DYM: variants seen among roughly 807,000 people sequenced by gnomAD.
DYM encodes dymeclin.
A neutral mutation model predicts 93.1 loss-of-function variants in DYM; 78 were observed. That is an observed-to-expected ratio of 0.84 (90% CI 0.70 to 1.01). The LOEUF (loss-of-function observed/expected upper bound fraction) is 1.01. Ranked by LOEUF, DYM falls within the 50% of genes least tolerant of loss-of-function variation. The pLI, the probability that DYM is intolerant of heterozygous loss-of-function variation, is 0.00. For missense variants in DYM, 789 were observed against 845.0 expected (o/e 0.93, Z 0.82); for synonymous variants, 321 against 319.7 (o/e 1.00, Z -0.04).
At chr18:49,130,139 A>T (rs964005947) in intron 15 of DYM, among the ~76,000 whole-genome samples, 12 of 152,186 alleles carry the variant, frequency 7.9e-5, no homozygotes, top group African/African-American at 2.7e-4. Flanking sequence ...ACTCTCCAGG[A>T]TTGAGGCTGG....
chr18:49,189,708 A>G (rs1358011204), intron 14 of DYM, among the ~76,000 whole-genome samples: 1 of 152,208 alleles, frequency 6.6e-6, no homozygotes, highest in Non-Finnish European at 1.5e-5. Context: ...TTATTACTGT[A>G]TATAGAGTCA....
intron 2 of DYM, among the ~76,000 whole-genome samples, chr18:49,410,641 C>T (rs1352955900): frequency 2.0e-5 from 3 of 147,442 alleles, no homozygotes; most frequent in Non-Finnish European, 4.5e-5. Context: ...GAGACCTTTT[C>T]TCTACCAAAA....
At chr18:49,336,362 A>G (rs1314416808) in intron 6 of DYM, among the ~76,000 whole-genome samples, 1 of 152,192 alleles carries the variant, frequency 6.6e-6, no homozygotes, top group Admixed American at 6.5e-5. Flanking sequence ...GAAGTGAGAG[A>G]ACAAAAAAAG....
chr18:49,399,399 A>G (rs979687027), intron 2 of DYM, among the ~76,000 whole-genome samples: 10 of 152,206 alleles, frequency 6.6e-5, no homozygotes, highest in Admixed American at 1.3e-4. Flanking sequence ...ATGGCAAACT[A>G]CAAAGCTGGA....
intron 5 of DYM, among the ~76,000 whole-genome samples, chr18:49,371,937 C>T (rs191827855): frequency 6.6e-6 from 1 of 152,124 alleles, no homozygotes; most frequent in Admixed American, 6.5e-5. Context: ...GACTGCTTCA[C>T]TGAAAATGCC....
At chr18:49,322,701 A>T (rs1432669559) in intron 8 of DYM, among the ~76,000 whole-genome samples, 2 of 152,110 alleles carry the variant, frequency 1.3e-5, no homozygotes, top group Non-Finnish European at 2.9e-5. Flanking sequence ...TAAAAATCTG[A>T]ATAAACTTGG....
chr18:49,260,107 T>C (rs561482915), intron 11 of DYM, among the ~76,000 whole-genome samples: 10 of 152,268 alleles, frequency 6.6e-5, no homozygotes, highest in South Asian at 4.1e-4. Context: ...TCGCTTAAGA[T>C]TATAAAAGTA....
intron 14 of DYM, among the ~76,000 whole-genome samples, chr18:49,170,497 T>A (rs1341897616): frequency 6.6e-6 from 1 of 152,010 alleles, no homozygotes; most frequent in Non-Finnish European, 1.5e-5. Flanking sequence ...AAGAACTGTA[T>A]GAGGTCGGGT....
intron 17 of DYM, among the ~76,000 whole-genome samples, chr18:49,092,034 C>G (rs1047428256): frequency 2.0e-5 from 3 of 152,184 alleles, no homozygotes; most frequent in African/African-American, 7.2e-5. Flanking sequence ...CGGAGCCCAT[C>G]ACATTTAATG....
At chr18:49,227,493 G>A (rs73443819) in intron 13 of DYM, among the ~76,000 whole-genome samples, 5 of 152,224 alleles carry the variant, frequency 3.3e-5, no homozygotes, top group African/African-American at 1.2e-4. Flanking sequence ...ATGCCATTAA[G>A]TCATTATCAG....
intron 1 of DYM, among the ~76,000 whole-genome samples, chr18:49,440,997 A>T (rs1173390559): frequency 3.1e-4 from 1 of 3,242 alleles, no homozygotes; most frequent in African/African-American, 9.3e-4. Flanking sequence ...AATATATAAT[A>T]TATTTATATA....
At position 49,396,412 on chromosome 18, in the gene DYM, C is replaced by T. The variant is rs542434210; in HGVS notation, c.141-4767G>A. ...ATTTCTGATTTCAGATTTTTTTTTCCGATTTTGAAATATTTGCATTATAGC... is the reference window on the plus strand; with the variant it reads ...ATTTCTGATTTCAGATTTTTTTTTCTGATTTTGAAATATTTGCATTATAGC... On this transcript the variant is annotated intron_variant, in intron 2 of 17. Transcript: ENST00000675505. Among the ~76,000 whole-genome samples, 159 of 151,840 alleles carry T rather than the reference C, an allele frequency of 1.0e-3. 1 individual carries two copies. The highest frequency in any genetic ancestry group is 2.9e-3 in the African/African-American group (121 of 41,424).
intron 8 of DYM, among the ~76,000 whole-genome samples, chr18:49,318,720 C>A (rs1432062526): frequency 2.0e-5 from 3 of 151,924 alleles, no homozygotes; most frequent in South Asian, 2.1e-4. Flanking sequence ...TAAGTGATAA[C>A]CCCACAATTT....
intron 16 of DYM, among the ~76,000 whole-genome samples, chr18:49,101,275 A>G (rs767269686): frequency 6.6e-6 from 1 of 152,128 alleles, no homozygotes; most frequent in Non-Finnish European, 1.5e-5. Context: ...TTCAAAGACA[A>G]CCTTTCAAAG....
At chr18:49,434,002 G>A (rs1167419655) in intron 1 of DYM, among the ~76,000 whole-genome samples, 1 of 152,142 alleles carries the variant, frequency 6.6e-6, no homozygotes, top group Non-Finnish European at 1.5e-5. Flanking sequence ...CTGAGGACAG[G>A]AGTTTGAGAC....
intron 11 of DYM, among the ~76,000 whole-genome samples, chr18:49,261,522 G>A (rs1256531528): frequency 2.0e-5 from 3 of 152,112 alleles, no homozygotes; most frequent in Admixed American, 6.5e-5. Context: ...AATTAGCCAG[G>A]CGAGGTGGCG....
At chr18:49,088,008 T>G (rs35360456) in intron 17 of DYM, among the ~76,000 whole-genome samples, 55,856 of 151,466 alleles carry the variant, frequency 0.37, 12,211 homozygotes, top group Middle Eastern at 0.57. Flanking sequence ...GTAGATTCTG[T>G]ATATTAGCCC....
chr18:49,172,302 A>C (rs2088844885), intron 14 of DYM, among the ~76,000 whole-genome samples: 1 of 152,182 alleles, frequency 6.6e-6, no homozygotes, highest in Non-Finnish European at 1.5e-5. Context: ...GGCTGCTGTA[A>C]ACAGTTGTAC....
chr18:49,308,211 T>C (rs994792242), intron 8 of DYM, among the ~76,000 whole-genome samples: 1 of 152,148 alleles, frequency 6.6e-6, no homozygotes, highest in Non-Finnish European at 1.5e-5. Flanking sequence ...AACTTACTTT[T>C]TAATTTTCAG....
Sources: gnomAD v4.1 joint callset for allele counts (sites outside exome capture counted in the v4.1 genomes callset) on GRCh38, gnomAD v4.1.1 for gene constraint, MANE v1.5 for transcripts, NCBI Gene and HGNC (gene_info 2026-07-23, HGNC 2026-07-21) for gene names.